Variants in PPP1R14C observed in about 807,000 individuals in gnomAD.
PPP1R14C encodes protein phosphatase 1 regulatory inhibitor subunit 14C.
Under a neutral mutation model 20.4 loss-of-function variants are expected in PPP1R14C, and 16 were observed. The observed-to-expected ratio is 0.78, with a 90% CI of 0.53 to 1.19. PPP1R14C has a LOEUF of 1.19. PPP1R14C is among the 50% of genes most tolerant of loss of function. The pLI, the probability that PPP1R14C is intolerant of heterozygous loss-of-function variation, is 0.00. For missense variants in PPP1R14C, 211 were observed against 220.1 expected (o/e 0.96, Z 0.26); for synonymous variants, 91 against 91.0 (o/e 1.00, Z 0.00).
chr6:150,244,174 A>AAAAT (rs1778465856), intron 3 of PPP1R14C, among the ~76,000 whole-genome samples: 4 of 151,756 alleles, frequency 2.6e-5, no homozygotes, highest in Admixed American at 2.6e-4. Flanking sequence ...CTGCTAAAAA[A>AAAAT]AAAAAAACTC....
At chr6:150,152,076 C>T (rs759203101) in intron 1 of PPP1R14C, among the ~76,000 whole-genome samples, 6 of 148,996 alleles carry the variant, frequency 4.0e-5, no homozygotes, top group African/African-American at 1.2e-4. Context: ...GCCGAGATCC[C>T]GCCAATGCAC....
At chr6:150,186,079 C>A (rs17079393) in intron 1 of PPP1R14C, among the ~76,000 whole-genome samples, 17,508 of 152,146 alleles carry the variant, frequency 0.12, 1,441 homozygotes, top group East Asian at 0.45. Flanking sequence ...TTGATGCTCC[C>A]GTGACCAAGG....
intron 1 of PPP1R14C, among the ~76,000 whole-genome samples, chr6:150,169,036 C>A (rs946412827): frequency 6.6e-6 from 1 of 152,148 alleles, no homozygotes; most frequent in Non-Finnish European, 1.5e-5. Flanking sequence ...GCCACCACAC[C>A]CAGCTAATTT....
intron 3 of PPP1R14C, among the ~76,000 whole-genome samples, chr6:150,234,983 T>C (rs1371067623): frequency 6.6e-6 from 1 of 152,110 alleles, no homozygotes; most frequent in East Asian, 1.9e-4. Context: ...AATGATTTCA[T>C]TTACATAAAA....
At chr6:150,233,998 A>C (rs1456752059) in intron 3 of PPP1R14C, among the ~76,000 whole-genome samples, 1 of 152,214 alleles carries the variant, frequency 6.6e-6, no homozygotes, top group Non-Finnish European at 1.5e-5. Flanking sequence ...AAGCCAGAGG[A>C]CTGGTAAAAC....
rs1171021110 is a variant in PPP1R14C, at chr6:150,229,158, C to G, written c.423+12302C>G. On this transcript the variant is annotated intron_variant, in intron 3 of 3. Transcript: ENST00000361131. ...TGACACATGACTTTAATTTCTATGT[C>G]TATAACAGAGATAGTTATAATCAAA... Among the ~76,000 whole-genome samples, 3 of 152,116 alleles carry G rather than the reference C, an allele frequency of 2.0e-5. No homozygotes were observed. The South Asian group carries it at 6.2e-4, about 31-fold the overall frequency.
At chr6:150,229,658 C>T (rs1778269518) in intron 3 of PPP1R14C, among the ~76,000 whole-genome samples, 1 of 152,206 alleles carries the variant, frequency 6.6e-6, no homozygotes, top group East Asian at 1.9e-4. Context: ...AGTGGACAAA[C>T]ATCGTGTCAG....
intron 1 of PPP1R14C, among the ~76,000 whole-genome samples, chr6:150,148,284 C>T (rs1040960453): frequency 4.0e-5 from 6 of 151,518 alleles, no homozygotes; most frequent in African/African-American, 1.5e-4. Context: ...TGGAATCAGG[C>T]ACAGGGAAGT....
At chr6:150,168,798 A>G (rs1007060244) in intron 1 of PPP1R14C, among the ~76,000 whole-genome samples, 2 of 152,220 alleles carry the variant, frequency 1.3e-5, no homozygotes, top group African/African-American at 4.8e-5. Context: ...TTCTTATACA[A>G]TTATATAATT....
chr6:150,168,800 TA>T, intron 1 of PPP1R14C, among the ~76,000 whole-genome samples: 1 of 152,340 alleles, frequency 6.6e-6, no homozygotes, highest in South Asian at 2.1e-4. Context: ...CTTATACAAT[TA>T]TATAATTTAA....
intron 3 of PPP1R14C, among the ~76,000 whole-genome samples, chr6:150,246,538 C>T (rs1325558785): frequency 2.0e-5 from 3 of 152,128 alleles, no homozygotes; most frequent in Non-Finnish European, 4.4e-5. Flanking sequence ...TCAGAATAGA[C>T]AGTGTTCAGA....
At chr6:150,216,784 T>C in intron 2 of PPP1R14C, 40 bp from the exon 3 acceptor site, 1 of 1,438,334 alleles carries the variant, frequency 7.0e-7, no homozygotes, top group Non-Finnish European at 9.6e-7. Flanking sequence ...ATGCTGAATT[T>C]TAAAATAATA....
intron 3 of PPP1R14C, among the ~76,000 whole-genome samples, chr6:150,232,903 CCA>C (rs1333775266): frequency 1.3e-5 from 2 of 152,088 alleles, no homozygotes; most frequent in African/African-American, 4.8e-5. Flanking sequence ...GTTAATTTGG[CCA>C]GAGAAGAGAT....
At chr6:150,243,262 G>A (rs781709563) in intron 3 of PPP1R14C, among the ~76,000 whole-genome samples, 1 of 143,470 alleles carries the variant, frequency 7.0e-6, no homozygotes, top group African/African-American at 2.6e-5. Flanking sequence ...TGCAACCTCC[G>A]CCTCCCGGGT....
In PPP1R14C at chr6:150,249,440, C is replaced by G; in HGVS notation, c.*620C>G. 1 of 398,620 alleles carries G rather than the reference C, an allele frequency of 2.5e-6. No homozygotes were observed. The highest frequency in any genetic ancestry group is 4.4e-6 in the Non-Finnish European group (1 of 226,066). 24.7% of individuals were successfully genotyped at this position (398,620 alleles called of 1,614,324 possible). On this transcript the variant is annotated 3_prime_UTR_variant, in exon 4 of 4. Transcript: ENST00000361131. ...ACCAAAGTGAAAGAATTCAGTGTAT[C>G]CGTTATTTTAATGCACTACACCACA... is the stretch of plus-strand genomic sequence containing the variant.
At chr6:150,160,563 G>A (rs1246730062) in intron 1 of PPP1R14C, among the ~76,000 whole-genome samples, 7 of 151,754 alleles carry the variant, frequency 4.6e-5, no homozygotes, top group Admixed American at 1.3e-4. Flanking sequence ...GTGAGCCACC[G>A]CGCCCAGTAG....
rs1298140198 is a variant in PPP1R14C, at chr6:150,143,794, C to A, written c.306+296C>A. ...ACAGTGCTTTTCTCCGAGCTCCGGG[C>A]GCCTCTGGGCTCCAGCTGCAGCTGC... On this transcript the variant is annotated intron_variant, in intron 1 of 3. Coordinates refer to ENST00000361131, the MANE Select transcript of PPP1R14C (RefSeq NM_030949.3). This position sits in a 1 kb window ranked among gnomAD's most constrained non-coding sequence, Gnocchi z 5.6. 6.6e-6 allele frequency among the ~76,000 whole-genome samples: 1 copy of A among 152,114 alleles called. No individual in the cohort carries two copies. The highest frequency in any genetic ancestry group is 6.5e-5 in the Admixed American group (1 of 15,286).
chr6:150,234,848 C>CAAAAAAAAAAAAAAAAAAAAAAA (rs56139981), intron 3 of PPP1R14C, among the ~76,000 whole-genome samples: 1 of 41,832 alleles, frequency 2.4e-5, no homozygotes, highest in African/African-American at 1.0e-4. Flanking sequence ...GACTCTGTCT[C>CAAAAAAAAAAAAAAAAAAAAAAA]AAAAAAAAAA....
In PPP1R14C at chr6:150,143,235, A is replaced by AGCG. The variant is rs949875793; in HGVS notation, c.53_55dup (p.Gly18dup). 1 of 1,383,222 alleles carries AGCG rather than the reference A, an allele frequency of 7.2e-7. No individual in the cohort carries two copies. The highest frequency in any genetic ancestry group is 1.7e-5 in the South Asian group (1 of 59,988). 85.7% of individuals were successfully genotyped at this position (1,383,222 alleles called of 1,614,324 possible). ...CAGCAGCGAGACGGCCGGCGGGGCCAGCGGCGGCGGCGCACGGGTTTTCTT... is the reference window on the plus strand; with the variant it reads ...CAGCAGCGAGACGGCCGGCGGGGCCAGCGGCGGCGGCGGCGCACGGGTTTTCTT... On this transcript the variant is annotated inframe_insertion, in exon 1 of 4. Coordinates refer to ENST00000361131, the MANE Select transcript of PPP1R14C (RefSeq NM_030949.3). The surrounding 1 kb of genome is among the most constrained non-coding windows in gnomAD (Gnocchi z 5.6).
Sources: allele counts gnomAD v4.1 joint callset (sites outside exome capture counted in the v4.1 genomes callset), GRCh38; gene constraint gnomAD v4.1.1; non-coding constraint Gnocchi (gnomAD v3.1); transcripts MANE v1.5; gene names NCBI Gene and HGNC (gene_info 2026-07-23, HGNC 2026-07-21).